TXNDC16: variants seen among roughly 807,000 people sequenced by gnomAD.
TXNDC16 encodes thioredoxin domain-containing protein 16.
A neutral mutation model predicts 85.6 loss-of-function variants in TXNDC16; 74 were observed. The observed-to-expected ratio is 0.86, with a 90% CI of 0.72 to 1.05. The LOEUF is 1.05. Ranked by LOEUF, TXNDC16 falls within the 50% of genes least tolerant of loss-of-function variation. The pLI is 0.00. For synonymous variants in TXNDC16, 335 were observed against 326.5 expected, an observed-to-expected ratio of 1.03 and a Z score of -0.28; for missense variants, 959 against 947.0, an observed-to-expected ratio of 1.01 and a Z score of -0.17.
At chr14:52,542,315 C>A in intron 4 of TXNDC16, 56 bp downstream of exon 4, 1 of 1,138,930 alleles carries the variant, frequency 8.8e-7, no homozygotes, top group Non-Finnish European at 1.3e-6. Context: ...AATCTTAAGC[C>A]ATAAAGTTGT....
intron 4 of TXNDC16, among the ~76,000 whole-genome samples, chr14:52,538,689 G>T (rs1009028109): frequency 6.6e-6 from 1 of 152,164 alleles, no homozygotes; most frequent in African/African-American, 2.4e-5. Flanking sequence ...CAAATGGAGA[G>T]CCACCAATGT....
At chr14:52,503,779 G>A (rs138817087) in intron 9 of TXNDC16, among the ~76,000 whole-genome samples, 7,674 of 152,272 alleles carry the variant, frequency 0.05, 241 homozygotes, top group Middle Eastern at 0.075. Flanking sequence ...ACTACTCCGA[G>A]CTAAAGAAGG....
chr14:52,551,943 A>AAC (rs2038060780), intron 1 of TXNDC16, among the ~76,000 whole-genome samples: 1 of 149,178 alleles, frequency 6.7e-6, no homozygotes, highest in Non-Finnish European at 1.5e-5. Context: ...CGTTTGAAAG[A>AAC]ACCAGCTTCC....
At chr14:52,490,193 T>C (rs536852932) in intron 11 of TXNDC16, among the ~76,000 whole-genome samples, 198 bp downstream of exon 11, 18 of 152,298 alleles carry the variant, frequency 1.2e-4, no homozygotes, top group African/African-American at 4.3e-4. Flanking sequence ...TTTAAAAAAA[T>C]ACATATACAT....
intron 1 of TXNDC16, among the ~76,000 whole-genome samples, chr14:52,548,622 C>T (rs938925972): frequency 2.0e-5 from 3 of 152,134 alleles, no homozygotes; most frequent in African/African-American, 7.2e-5. Flanking sequence ...TGGCTCACAC[C>T]TGTAATCCCA....
At chr14:52,502,863 G>A (rs1302950753) in intron 9 of TXNDC16, among the ~76,000 whole-genome samples, 1 of 152,170 alleles carries the variant, frequency 6.6e-6, no homozygotes, top group East Asian at 1.9e-4. Flanking sequence ...GGAAAATTGG[G>A]TCACTCCCAC....
intron 6 of TXNDC16, among the ~76,000 whole-genome samples, chr14:52,535,715 T>G (rs1160160585): frequency 6.6e-6 from 1 of 152,114 alleles, no homozygotes; most frequent in Non-Finnish European, 1.5e-5. Context: ...GCCTGGAGAT[T>G]CCAGGCCAGA....
chr14:52,456,216 C>T (rs1050885422), intron 17 of TXNDC16, among the ~76,000 whole-genome samples: 9 of 152,124 alleles, frequency 5.9e-5, no homozygotes, highest in African/African-American at 2.2e-4. Flanking sequence ...TTTCAGGTCA[C>T]TTAAAGGAAC....
intron 20 of TXNDC16, among the ~76,000 whole-genome samples, chr14:52,433,899 C>CT (rs2034964963): frequency 6.6e-6 from 1 of 152,158 alleles, no homozygotes; most frequent in East Asian, 1.9e-4. Flanking sequence ...CCAGTTTAGG[C>CT]TGGGCATGGT....
intron 6 of TXNDC16, among the ~76,000 whole-genome samples, chr14:52,530,116 A>T (rs2037467060): frequency 1.1e-5 from 1 of 92,438 alleles, no homozygotes; most frequent in Non-Finnish European, 1.8e-5. Flanking sequence ...TTTATATTAT[A>T]TATATTTACA....
intron 16 of TXNDC16, among the ~76,000 whole-genome samples, chr14:52,467,777 C>T (rs1304408165): frequency 6.6e-6 from 1 of 152,088 alleles, no homozygotes; most frequent in Non-Finnish European, 1.5e-5. Flanking sequence ...AAGCAGAGTA[C>T]CAGAGAGATA....
chr14:52,489,653 T>C (rs1458131312), intron 11 of TXNDC16, among the ~76,000 whole-genome samples: 2 of 152,094 alleles, frequency 1.3e-5, no homozygotes, highest in Non-Finnish European at 2.9e-5. Flanking sequence ...GAACAAAAAT[T>C]TTAAGTATAG....
intron 6 of TXNDC16, among the ~76,000 whole-genome samples, chr14:52,524,252 T>C (rs1185726249): frequency 3.3e-5 from 5 of 152,226 alleles, no homozygotes; most frequent in African/African-American, 1.2e-4. Context: ...CAATAATGTG[T>C]TAAAGAATAA....
chr14:52,549,273 CA>C (rs1453513181), intron 1 of TXNDC16, among the ~76,000 whole-genome samples: 5 of 152,074 alleles, frequency 3.3e-5, no homozygotes, highest in African/African-American at 9.7e-5. Flanking sequence ...TGTGTTTGCA[CA>C]GCTCATTTAA....
intron 7 of TXNDC16, among the ~76,000 whole-genome samples, chr14:52,518,356 G>T (rs1313488396): frequency 6.6e-6 from 1 of 152,130 alleles, no homozygotes; most frequent in Non-Finnish European, 1.5e-5. Context: ...TCATAAGTAT[G>T]ATGTCAAAAA....
chr14:52,547,153 GC>G (rs1451972289), intron 1 of TXNDC16, among the ~76,000 whole-genome samples: 2 of 151,910 alleles, frequency 1.3e-5, no homozygotes, highest in Non-Finnish European at 2.9e-5. Flanking sequence ...CAATCCTTAG[GC>G]CCCCACCCGT....
chr14:52,521,735 T>C lies in TXNDC16; in HGVS notation c.393-2442A>G, dbSNP rs185756058. 3.7e-3 allele frequency among the ~76,000 whole-genome samples: 561 copies of C among 152,334 alleles called. 5 individuals carry two copies. The highest frequency in any genetic ancestry group is 0.013 in the African/African-American group (530 of 41,576). ...TCTTCTATCATTCCCAGGGCTCTTG[T>C]TTTGTTTTTATAAGAAATACTTACT... is the stretch of plus-strand genomic sequence containing the variant. On this transcript the variant is annotated intron_variant, in intron 6 of 20. Transcript: ENST00000281741.
Position 52,430,933 on chromosome 14 carries a change from C to G in TXNDC16, c.*1371G>C, listed in dbSNP as rs1044750508. On this transcript the variant is annotated 3_prime_UTR_variant, in exon 21 of 21. Coordinates refer to ENST00000281741, the MANE Select transcript of TXNDC16 (RefSeq NM_020784.3). ...TTACTGAGTTTTAGCTGTTAGATTC[C>G]TTAAATTTCAGTTATAAAAATCAGT... 1.4e-4 allele frequency: 22 copies of G among 152,072 alleles called. No individual in the cohort carries two copies. Among genetic ancestry groups the G allele is most frequent in the African/African-American group, 5.3e-4 (22 of 41,410 alleles). 9.4% of individuals were successfully genotyped at this position (152,072 alleles called of 1,614,324 possible). A position where few individuals can be genotyped will look rare whatever the true frequency, so the allele number is the denominator to read the frequency against.
At chr14:52,480,975 G>GTATATATATATATATATATATATA (rs141877325) in intron 14 of TXNDC16, among the ~76,000 whole-genome samples, 5 of 134,998 alleles carry the variant, frequency 3.7e-5, no homozygotes, top group Admixed American at 1.5e-4. Flanking sequence ...ATATATATAT[G>GTATATATATATATATATATATATA]TATATATATA....
Sources: allele counts gnomAD v4.1 joint callset (sites outside exome capture counted in the v4.1 genomes callset), GRCh38; gene constraint gnomAD v4.1.1; transcripts MANE v1.5; gene names NCBI Gene and HGNC (gene_info 2026-07-23, HGNC 2026-07-21).